Variants in IFT43 observed in about 807,000 individuals in gnomAD.
IFT43 encodes the protein intraflagellar transport 43, also known as intraflagellar transport protein 43 homolog.
In IFT43, 33 loss-of-function variants were observed where a neutral mutation model predicts 32.3. The observed-to-expected ratio is 1.02, with a 90% CI of 0.77 to 1.37. The LOEUF (loss-of-function observed/expected upper bound fraction) is 1.37. Ranked by LOEUF, IFT43 falls within the 40% of genes most tolerant of loss-of-function variation. The pLI, the probability that IFT43 is intolerant of heterozygous loss-of-function variation, is 0.00. For synonymous variants in IFT43, 93 were observed against 98.2 expected (o/e 0.95, Z 0.31); for missense variants, 274 against 265.9 (o/e 1.03, Z -0.21).
intron 2 of IFT43, among the ~76,000 whole-genome samples, chr14:75,991,359 TTATA>T (rs370792084): frequency 1.8e-4 from 25 of 141,634 alleles, no homozygotes; most frequent in Admixed American, 3.5e-4. Flanking sequence ...AGAGTATATA[TTATA>T]TATATATATA....
intron 5 of IFT43, among the ~76,000 whole-genome samples, chr14:76,063,025 A>T (rs1369930045): frequency 6.6e-6 from 1 of 151,842 alleles, no homozygotes; most frequent in Non-Finnish European, 1.5e-5. Flanking sequence ...TCTTAAATCA[A>T]TTTGAGCATT....
At position 76,018,161 on chromosome 14, in the gene IFT43, C is replaced by CT. The variant is rs796486492; in HGVS notation, c.148-4155dup. The stretch of plus-strand genomic sequence containing the variant: ...TTAGCTTGTTCATTCAGAATCTTTC[C>CT]TTTTTTTTTTTGATGTAGGTATTCA... On this transcript the variant is annotated intron_variant, in intron 2 of 8. Coordinates refer to ENST00000314067, the MANE Select transcript of IFT43 (RefSeq NM_001102564.3). Among the ~76,000 whole-genome samples the CT allele has an allele frequency of 3.5e-3, 502 of 141,654 alleles. 5 individuals are homozygous for CT. Among genetic ancestry groups the CT allele is most frequent in the African/African-American group, 1.0e-2 (388 of 38,930 alleles). 92.9% of individuals were successfully genotyped at this position (141,654 alleles called of 152,430 possible).
chr14:76,064,762 TAG>T (rs1325907968), intron 5 of IFT43, among the ~76,000 whole-genome samples: 1 of 152,210 alleles, frequency 6.6e-6, no homozygotes, highest in Non-Finnish European at 1.5e-5. Flanking sequence ...AAAAGGATTT[TAG>T]AGTTCTTTGG....
intron 2 of IFT43, among the ~76,000 whole-genome samples, chr14:76,019,398 G>A (rs116657594): frequency 1.9e-3 from 289 of 150,522 alleles, no homozygotes; most frequent in African/African-American, 6.8e-3. Context: ...TTCCCTTTCA[G>A]CACTTTGAAT....
At chr14:75,997,418 A>G (rs2035768238) in intron 2 of IFT43, among the ~76,000 whole-genome samples, 1 of 152,270 alleles carries the variant, frequency 6.6e-6, no homozygotes, top group African/African-American at 2.4e-5. Flanking sequence ...GTGAGCTTTC[A>G]GTATTTTTAG....
At chr14:76,023,107 G>A (rs1642126083) in intron 3 of IFT43, among the ~76,000 whole-genome samples, 1 of 152,228 alleles carries the variant, frequency 6.6e-6, no homozygotes, top group Non-Finnish European at 1.5e-5. Context: ...AAACTGCATA[G>A]TGTTCAGTGT....
chr14:76,031,831 G>A (rs1196433897), intron 3 of IFT43, among the ~76,000 whole-genome samples: 5 of 152,126 alleles, frequency 3.3e-5, no homozygotes, highest in Admixed American at 6.5e-5. Flanking sequence ...GGAGTGCCCA[G>A]GGCTCTTCCT....
At chr14:76,018,504 G>C (rs1433777366) in intron 2 of IFT43, among the ~76,000 whole-genome samples, 1 of 152,168 alleles carries the variant, frequency 6.6e-6, no homozygotes, top group African/African-American at 2.4e-5. Context: ...ACGTGCTGAT[G>C]AGAAGAATGT....
At chr14:76,076,172 C>T (rs957312517) in intron 5 of IFT43, among the ~76,000 whole-genome samples, 3 of 152,176 alleles carry the variant, frequency 2.0e-5, no homozygotes, top group East Asian at 3.8e-4. Context: ...TGTAACCAAA[C>T]GGCATTTGCC....
intron 3 of IFT43, among the ~76,000 whole-genome samples, chr14:76,030,563 G>T (rs1055767949): frequency 1.3e-5 from 2 of 152,038 alleles, no homozygotes; most frequent in African/African-American, 4.8e-5. Flanking sequence ...TAAAAAATAC[G>T]CTCTATCCTG....
intron 2 of IFT43, among the ~76,000 whole-genome samples, chr14:75,996,827 G>C (rs945981591): frequency 3.9e-5 from 6 of 152,222 alleles, no homozygotes; most frequent in Admixed American, 6.5e-5. Flanking sequence ...GGTGACCTCA[G>C]TTACCTTGGA....
intron 3 of IFT43, among the ~76,000 whole-genome samples, chr14:76,045,384 A>T (rs1480422583): frequency 2.0e-5 from 3 of 152,250 alleles, no homozygotes; most frequent in Non-Finnish European, 4.4e-5. Flanking sequence ...AATTATAATT[A>T]TGTGAGGTTG....
chr14:76,010,431 GTTTC>G (rs2036061591), intron 2 of IFT43, among the ~76,000 whole-genome samples: 1 of 151,884 alleles, frequency 6.6e-6, no homozygotes, highest in Non-Finnish European at 1.5e-5. Flanking sequence ...TATGCTTCTA[GTTTC>G]TTTATTGTTT....
intron 3 of IFT43, among the ~76,000 whole-genome samples, chr14:76,042,818 T>G (rs2036732326): frequency 6.6e-6 from 1 of 152,202 alleles, no homozygotes; most frequent in Non-Finnish European, 1.5e-5. Context: ...TAAAACTGCT[T>G]CTGGTTTCGG....
chr14:75,992,065 G>C (rs1441359740), intron 2 of IFT43, among the ~76,000 whole-genome samples: 3 of 152,158 alleles, frequency 2.0e-5, no homozygotes, highest in Non-Finnish European at 4.4e-5. Context: ...TATGGTACCT[G>C]GGAGCTGTCA....
rs1332250609 is a variant in IFT43, at chr14:76,075,912, TCTC to T, written c.296-6380_296-6378del. On this transcript the variant is annotated intron_variant, in intron 5 of 8. Coordinates refer to ENST00000314067, the MANE Select transcript of IFT43 (RefSeq NM_001102564.3). The stretch of plus-strand genomic sequence containing the variant: ...AATGATCTCTGGTTTTAAGTTGTCA[TCTC>T]CTAAAAACACGGGCATTGTTTTCTT... 2.6e-5 allele frequency among the ~76,000 whole-genome samples: 4 copies of T among 152,246 alleles called. No homozygotes were observed. The East Asian group carries it at 7.7e-4, about 29-fold the overall frequency.
At chr14:76,058,998 T>C in intron 4 of IFT43, 2 of 1,428,102 alleles carry the variant, frequency 1.4e-6, no homozygotes, top group South Asian at 3.1e-5. Flanking sequence ...CCTTGCCTTC[T>C]CATAAGACTT....
chr14:76,058,551 G>A (rs756665155), intron 3 of IFT43, 91 bp from the exon 4 acceptor site: 28 of 1,475,788 alleles, frequency 1.9e-5, no homozygotes, highest in Non-Finnish European at 2.6e-5. Flanking sequence ...ATACTAATTT[G>A]CCTCCACTTT....
Position 76,082,510 on chromosome 14 carries a change from T to C in IFT43, c.369-107T>C, listed in dbSNP as rs79588342. 1.9e-3 allele frequency: 2,609 copies of C among 1,389,420 alleles called. 37 individuals carry two copies. In the African/African-American group the frequency reaches 0.033, roughly 18 times the overall value. 86.1% of individuals were successfully genotyped at this position (1,389,420 alleles called of 1,614,324 possible). A position where few individuals can be genotyped will look rare whatever the true frequency, so the allele number is the denominator to read the frequency against. On this transcript the variant is annotated intron_variant, in intron 6 of 8. Transcript: ENST00000314067. Reference sequence around the variant, plus strand: ...AGGGTTCCCATTTTGTTATTCCCATTCTGGTCATCCCCTGCTGTATACAAG... The same window carrying C: ...AGGGTTCCCATTTTGTTATTCCCATCCTGGTCATCCCCTGCTGTATACAAG...
Sources: gnomAD v4.1 joint callset for allele counts (sites outside exome capture counted in the v4.1 genomes callset) on GRCh38, gnomAD v4.1.1 for gene constraint, MANE v1.5 for transcripts, NCBI Gene and HGNC (gene_info 2026-07-23, HGNC 2026-07-21) for gene names.